Variants in TTC28 observed in about 807,000 individuals in gnomAD.
The protein encoded by TTC28 is tetratricopeptide repeat protein 28.
In TTC28, 61 loss-of-function variants were observed where a neutral mutation model predicts 198.0. That is an observed-to-expected ratio of 0.31 (90% CI 0.25 to 0.38). The LOEUF is 0.38. Among genes scored for constraint, TTC28 ranks in the 10% least tolerant of loss-of-function variants. The pLI, the probability that TTC28 is intolerant of heterozygous loss-of-function variation, is 1.00. For synonymous variants in TTC28, 1,171 were observed against 1,297.8 expected (o/e 0.90, Z 2.10); for missense variants, 2,678 against 3,164.0 (o/e 0.85, Z 3.69).
intron 2 of TTC28, among the ~76,000 whole-genome samples, chr22:28,472,546 A>ATGTGTGTGTGTG (rs755019373): frequency 2.2e-5 from 2 of 88,928 alleles, no homozygotes; most frequent in South Asian, 4.0e-4. Flanking sequence ...CAAAAAGAAA[A>ATGTGTGTGTGTG]TGTGTATGTG....
intron 2 of TTC28, among the ~76,000 whole-genome samples, chr22:28,334,866 C>G (rs1472601963): frequency 6.6e-6 from 1 of 152,124 alleles, no homozygotes; most frequent in Admixed American, 6.6e-5. Context: ...TAATTAGATC[C>G]CATTTGTCAA....
intron 1 of TTC28, among the ~76,000 whole-genome samples, chr22:28,679,128 C>T (rs545355789): frequency 6.6e-6 from 1 of 152,334 alleles, no homozygotes; most frequent in Non-Finnish European, 1.5e-5. Flanking sequence ...TTCAAAACAA[C>T]GCTCTTTGAT....
chr22:28,272,105 G>C (rs57490474), intron 5 of TTC28, among the ~76,000 whole-genome samples: 1 of 152,120 alleles, frequency 6.6e-6, no homozygotes, highest in Non-Finnish European at 1.5e-5. Context: ...AAAATGGACT[G>C]ATACATATAG....
At chr22:28,168,863 A>G (rs1028202688) in intron 5 of TTC28, among the ~76,000 whole-genome samples, 2 of 152,242 alleles carry the variant, frequency 1.3e-5, no homozygotes, top group African/African-American at 2.4e-5. Flanking sequence ...AGCAAAAGAA[A>G]CTACCATCAG....
intron 2 of TTC28, among the ~76,000 whole-genome samples, chr22:28,355,802 G>A (rs62237616): frequency 6.6e-6 from 1 of 152,314 alleles, no homozygotes; most frequent in African/African-American, 2.4e-5. Context: ...CAACTATAGT[G>A]CTGAAGGGCA....
At chr22:28,500,814 T>C (rs1480089660) in intron 2 of TTC28, among the ~76,000 whole-genome samples, 1 of 152,080 alleles carries the variant, frequency 6.6e-6, no homozygotes, top group Non-Finnish European at 1.5e-5. Context: ...AAAATAAAGA[T>C]GTGGTCAGTA....
At chr22:28,574,344 C>CTCCACTG (rs940294959) in intron 2 of TTC28, among the ~76,000 whole-genome samples, 6 of 151,604 alleles carry the variant, frequency 4.0e-5, no homozygotes. Context: ...CCGAATAGTA[C>CTCCACTG]TCCACTGTTT....
chr22:28,345,528 G>A (rs2045891610), intron 2 of TTC28, among the ~76,000 whole-genome samples: 1 of 152,188 alleles, frequency 6.6e-6, no homozygotes, highest in Non-Finnish European at 1.5e-5. Context: ...ATCTGCCTGA[G>A]CTTGCTCACA....
At chr22:28,448,786 G>A (rs1304323578) in intron 2 of TTC28, among the ~76,000 whole-genome samples, 1 of 152,148 alleles carries the variant, frequency 6.6e-6, no homozygotes, top group Admixed American at 6.5e-5. Context: ...AACTGCTACA[G>A]ATCACTCCAC....
chr22:28,360,958 C>A (rs1472443265), intron 2 of TTC28, among the ~76,000 whole-genome samples: 1 of 152,094 alleles, frequency 6.6e-6, no homozygotes, highest in African/African-American at 2.4e-5. Flanking sequence ...TTTTGGGATA[C>A]CACAATGCCT....
At chr22:28,239,300 T>C (rs1265468992) in intron 5 of TTC28, among the ~76,000 whole-genome samples, 1 of 152,158 alleles carries the variant, frequency 6.6e-6, no homozygotes, top group Admixed American at 6.6e-5. Context: ...CACATGTGGC[T>C]ATTGAGAACT....
intron 1 of TTC28, among the ~76,000 whole-genome samples, chr22:28,644,138 G>A (rs1001222642): frequency 6.6e-6 from 1 of 151,952 alleles, no homozygotes; most frequent in African/African-American, 2.4e-5. Context: ...GGTGGCTCAC[G>A]CCTGTAATCC....
In TTC28 at chr22:28,250,992, T is replaced by C. The variant is rs556599221; in HGVS notation, c.933+45206A>G. ...GTAAAGTAGCCGAGAGTTATATAATTTTCAAGTCATCAGCTAGGTGGCTAT... is the reference window on the plus strand; with the variant it reads ...GTAAAGTAGCCGAGAGTTATATAATCTTCAAGTCATCAGCTAGGTGGCTAT... On this transcript the variant is annotated intron_variant, in intron 5 of 22. Coordinates refer to ENST00000397906, the MANE Select transcript of TTC28 (RefSeq NM_001145418.2). Among the ~76,000 whole-genome samples the C allele has an allele frequency of 1.4e-4, 22 of 152,306 alleles. No individual in the cohort carries two copies. In the South Asian group the frequency reaches 4.6e-3, roughly 32 times the overall value.
intron 12 of TTC28, among the ~76,000 whole-genome samples, chr22:28,057,232 A>G (rs555262781): frequency 6.6e-6 from 1 of 152,324 alleles, no homozygotes; most frequent in South Asian, 2.1e-4. Flanking sequence ...GAGTTATTAC[A>G]TATTCATAGT....
intron 1 of TTC28, among the ~76,000 whole-genome samples, chr22:28,657,991 T>C (rs747230301): frequency 9.2e-5 from 14 of 152,190 alleles, no homozygotes; most frequent in African/African-American, 1.2e-4. Context: ...ATTAAAACTT[T>C]GCATAAATGG....
chr22:28,419,947 A>G (rs749566254), intron 2 of TTC28, among the ~76,000 whole-genome samples: 3 of 152,246 alleles, frequency 2.0e-5, no homozygotes, highest in Non-Finnish European at 4.4e-5. Flanking sequence ...ATTACAGGGT[A>G]TTAATTCACA....
At chr22:28,636,845 G>A (rs1471163582) in intron 1 of TTC28, among the ~76,000 whole-genome samples, 1 of 151,852 alleles carries the variant, frequency 6.6e-6, no homozygotes, top group Admixed American at 6.6e-5. Context: ...TTTGTTGACT[G>A]TTTCCTTTTT....
At chr22:28,284,385 A>G (rs2145744239) in intron 5 of TTC28, among the ~76,000 whole-genome samples, 1 of 152,316 alleles carries the variant, frequency 6.6e-6, no homozygotes, top group South Asian at 2.1e-4. Context: ...AAACAAACTA[A>G]CAGATTGATA....
chr22:28,429,180 A>C (rs1183878201), intron 2 of TTC28, among the ~76,000 whole-genome samples: 2 of 152,222 alleles, frequency 1.3e-5, no homozygotes, highest in Non-Finnish European at 2.9e-5. Flanking sequence ...AGATCTTAGT[A>C]GAACAGGGCT....
Sources: gnomAD v4.1 joint callset for allele counts (sites outside exome capture counted in the v4.1 genomes callset) on GRCh38, gnomAD v4.1.1 for gene constraint, MANE v1.5 for transcripts, NCBI Gene and HGNC (gene_info 2026-07-23, HGNC 2026-07-21) for gene names.